Variants in RNGTT observed in about 807,000 individuals in gnomAD.
RNGTT encodes RNA guanylyltransferase and 5'-phosphatase.
In RNGTT, 33 loss-of-function variants were observed where a neutral mutation model predicts 79.3. The observed-to-expected ratio is 0.42, with a 90% CI of 0.32 to 0.56. The LOEUF is 0.56. Among genes scored for constraint, RNGTT ranks in the 20% least tolerant of loss-of-function variants. The pLI is 0.17. For synonymous variants in RNGTT, 222 were observed against 235.9 expected, an observed-to-expected ratio of 0.94 and a Z score of 0.54; for missense variants, 497 against 739.1, an observed-to-expected ratio of 0.67 and a Z score of 3.80.
At chr6:88,853,982 T>A (rs1314061398) in intron 8 of RNGTT, among the ~76,000 whole-genome samples, 1 of 151,794 alleles carries the variant, frequency 6.6e-6, no homozygotes, top group Non-Finnish European at 1.5e-5. Context: ...TGGAGTACAG[T>A]GGCACAACCT....
chr6:88,686,261 T>G (rs539274550), intron 13 of RNGTT, among the ~76,000 whole-genome samples: 2 of 151,852 alleles, frequency 1.3e-5, no homozygotes, highest in Non-Finnish European at 2.9e-5. Context: ...TATCAAACAT[T>G]ATTGCAAGAA....
At chr6:88,697,919 C>CATATATATGAT in intron 13 of RNGTT, among the ~76,000 whole-genome samples, 1 of 79,590 alleles carries the variant, frequency 1.3e-5, no homozygotes, top group East Asian at 2.5e-4. Flanking sequence ...ATATGAAATA[C>CATATATATGAT]ATATATATGA....
Position 88,643,843 on chromosome 6 carries a change from A to G in RNGTT, c.1507-29448T>C, listed in dbSNP as rs1299728618. Reference sequence around the variant, plus strand: ...CAACATACCAGAATCTCTGGGACACATTTAAAGCGGTGTGTAGAGGGAAAT... The same window carrying G: ...CAACATACCAGAATCTCTGGGACACGTTTAAAGCGGTGTGTAGAGGGAAAT... On this transcript the variant is annotated intron_variant, in intron 14 of 15. Coordinates refer to ENST00000369485, the MANE Select transcript of RNGTT (RefSeq NM_003800.5). 2.0e-5 allele frequency among the ~76,000 whole-genome samples: 3 copies of G among 152,354 alleles called. No individual in the cohort carries two copies. The East Asian group carries it at 5.8e-4, about 29-fold the overall frequency.
At chr6:88,737,048 T>G (rs1485420670) in intron 13 of RNGTT, among the ~76,000 whole-genome samples, 1 of 152,228 alleles carries the variant, frequency 6.6e-6, no homozygotes, top group Non-Finnish European at 1.5e-5. Context: ...CAAAGCCAGT[T>G]GTTCTGAAAG....
chr6:88,709,211 AG>A, intron 13 of RNGTT, among the ~76,000 whole-genome samples: 1 of 152,248 alleles, frequency 6.6e-6, no homozygotes, highest in South Asian at 2.1e-4. Flanking sequence ...AGGCTGAGGC[AG>A]GAGAACCACT....
rs1780800181 is a variant in RNGTT, at chr6:88,829,955, C to T, written c.1269+14402G>A. Reference sequence around the variant, plus strand: ...CAATAATAGTGGGAGACTTTTAACACCCCACTGTCAATATTAGACAGATCA... The same window carrying T: ...CAATAATAGTGGGAGACTTTTAACATCCCACTGTCAATATTAGACAGATCA... On this transcript the variant is annotated intron_variant, in intron 11 of 15. Transcript: ENST00000369485. Among the ~76,000 whole-genome samples the T allele has an allele frequency of 3.3e-5, 5 of 152,196 alleles. No homozygotes were observed. In the South Asian group the frequency reaches 1.0e-3, roughly 32 times the overall value.
chr6:88,745,564 C>T (rs1777633241), intron 13 of RNGTT, among the ~76,000 whole-genome samples: 1 of 152,100 alleles, frequency 6.6e-6, no homozygotes, highest in African/African-American at 2.4e-5. Context: ...ATTAATTTCA[C>T]CTGTTTCTAC....
chr6:88,848,061 G>T (rs1022959486), intron 10 of RNGTT, among the ~76,000 whole-genome samples: 1 of 151,078 alleles, frequency 6.6e-6, no homozygotes, highest in Non-Finnish European at 1.5e-5. Context: ...ATACAAACTT[G>T]CAATTAAATC....
intron 11 of RNGTT, among the ~76,000 whole-genome samples, chr6:88,833,820 G>A (rs1582518577): frequency 6.6e-6 from 1 of 152,142 alleles, no homozygotes; most frequent in African/African-American, 2.4e-5. Flanking sequence ...TCAGGAGTTT[G>A]AGACCAGCCT....
chr6:88,638,507 TAAGA>T (rs1773183925), intron 14 of RNGTT, among the ~76,000 whole-genome samples: 5 of 152,178 alleles, frequency 3.3e-5, no homozygotes, highest in Non-Finnish European at 7.4e-5. Context: ...CTATTATCTC[TAAGA>T]CAGAAGGTAT....
At chr6:88,760,873 ATT>A (rs34821654) in intron 13 of RNGTT, among the ~76,000 whole-genome samples, 19,620 of 143,140 alleles carry the variant, frequency 0.14, 1,417 homozygotes, top group Middle Eastern at 0.24. Context: ...TGAGAAAACG[ATT>A]TTTTTTTTTT....
chr6:88,621,828 T>C (rs1211547908), intron 14 of RNGTT, among the ~76,000 whole-genome samples: 1 of 152,088 alleles, frequency 6.6e-6, no homozygotes, highest in Admixed American at 6.6e-5. Context: ...AGGGAGATAA[T>C]AGCCAAAATT....
In RNGTT at chr6:88,901,067, G is replaced by T. The variant is rs148459513; in HGVS notation, c.684+3648C>A. ...TGAGGCAGGAGAATCGCTTGAACCC[G>T]GGAGGCAGAGCTTGCAGTGAGCCAA... On this transcript the variant is annotated intron_variant, in intron 6 of 15. Transcript: ENST00000369485. Among the ~76,000 whole-genome samples the T allele has an allele frequency of 8.0e-3, 1,211 of 151,334 alleles. 9 individuals carry two copies. Among genetic ancestry groups the T allele is most frequent in the Non-Finnish European group, 0.012 (816 of 67,782 alleles).
At chr6:88,960,936 G>T (rs1389627337) in intron 1 of RNGTT, among the ~76,000 whole-genome samples, 2 of 152,178 alleles carry the variant, frequency 1.3e-5, no homozygotes, top group South Asian at 4.1e-4. Flanking sequence ...TACTGTGATG[G>T]TTAATACTGA....
intron 14 of RNGTT, among the ~76,000 whole-genome samples, chr6:88,640,611 T>C (rs940343261): frequency 1.3e-5 from 2 of 151,046 alleles, no homozygotes; most frequent in South Asian, 2.1e-4. Flanking sequence ...TGAGGTGATG[T>C]TGAAATTGTC....
intron 11 of RNGTT, among the ~76,000 whole-genome samples, chr6:88,807,008 G>C (rs1204049868): frequency 6.6e-6 from 1 of 152,152 alleles, no homozygotes; most frequent in Non-Finnish European, 1.5e-5. Flanking sequence ...ACAAAACACT[G>C]AATGTCCTCA....
chr6:88,712,491 T>A (rs1776352344), intron 13 of RNGTT, among the ~76,000 whole-genome samples: 1 of 152,122 alleles, frequency 6.6e-6, no homozygotes, highest in South Asian at 2.1e-4. Flanking sequence ...TTACTTTTTG[T>A]AGAGATAGGG....
At chr6:88,662,318 G>C (rs1274425541) in intron 14 of RNGTT, among the ~76,000 whole-genome samples, 1 of 152,230 alleles carries the variant, frequency 6.6e-6, no homozygotes, top group Non-Finnish European at 1.5e-5. Context: ...TCCAGACATT[G>C]TATGAGGAAG....
intron 14 of RNGTT, among the ~76,000 whole-genome samples, chr6:88,632,565 A>G (rs1772940049): frequency 6.7e-6 from 1 of 150,036 alleles, no homozygotes; most frequent in Admixed American, 6.6e-5. Context: ...ACACACACAC[A>G]CACACACACA....
Sources: allele counts gnomAD v4.1 joint callset (sites outside exome capture counted in the v4.1 genomes callset), GRCh38; gene constraint gnomAD v4.1.1; transcripts MANE v1.5; gene names NCBI Gene and HGNC (gene_info 2026-07-23, HGNC 2026-07-21).